FGD4: variants seen among roughly 807,000 people sequenced by gnomAD.
The protein encoded by FGD4 is FYVE, RhoGEF and PH domain-containing protein 4.
In FGD4, 42 loss-of-function variants were observed where a neutral mutation model predicts 102.0. The observed-to-expected ratio is 0.41, with a 90% CI of 0.32 to 0.53. The LOEUF (loss-of-function observed/expected upper bound fraction) is 0.53, where lower values mean the gene tolerates loss of function less well. FGD4 is among the 20% of genes least tolerant of loss of function. FGD4 has a pLI of 0.21. For synonymous variants in FGD4, 380 were observed against 375.7 expected, an observed-to-expected ratio of 1.01 and a Z score of -0.13; for missense variants, 902 against 1,078.2, an observed-to-expected ratio of 0.84 and a Z score of 2.29.
chr12:32,542,109 C>T (rs905206500), intron 1 of FGD4, among the ~76,000 whole-genome samples: 1 of 151,926 alleles, frequency 6.6e-6, no homozygotes, highest in Admixed American at 6.6e-5. Flanking sequence ...GTTTTTCCTA[C>T]TTAGCAGTGT....
chr12:32,564,816 GC>G lies in FGD4; in HGVS notation c.319+529del, dbSNP rs368796590. On this transcript the variant is annotated intron_variant, in intron 2 of 16. Transcript: ENST00000534526. ...AGTGGCCAGTGAGGGTAAAGAAAAA[GC>G]CATAATGGTAGGAAGCTTGAATGAT... is the stretch of plus-strand genomic sequence containing the variant. Among the ~76,000 whole-genome samples, 39 of 152,312 alleles carry G rather than the reference GC, an allele frequency of 2.6e-4. No homozygotes were observed. In the East Asian group the frequency reaches 7.3e-3, roughly 29 times the overall value.
chr12:32,440,503 C>T (rs1942394980), intron 1 of FGD4, among the ~76,000 whole-genome samples: 1 of 152,234 alleles, frequency 6.6e-6, no homozygotes, highest in Non-Finnish European at 1.5e-5. Flanking sequence ...CCCAAACATA[C>T]AGAGTCCCTG....
intron 1 of FGD4, among the ~76,000 whole-genome samples, chr12:32,518,134 C>CT (rs1180761383): frequency 6.6e-6 from 1 of 152,156 alleles, no homozygotes; most frequent in Non-Finnish European, 1.5e-5. Context: ...TTGTGAAAGA[C>CT]TATCTGTCTA....
chr12:32,421,672 C>G (rs746079189), intron 1 of FGD4, among the ~76,000 whole-genome samples: 93 of 152,060 alleles, frequency 6.1e-4, no homozygotes, highest in Non-Finnish European at 1.1e-3. Context: ...GTCAAGACTC[C>G]TGATAAAAGG....
At chr12:32,630,670 G>A (rs1426518765) in intron 14 of FGD4, among the ~76,000 whole-genome samples, 1 of 152,108 alleles carries the variant, frequency 6.6e-6, no homozygotes, top group Non-Finnish European at 1.5e-5. Flanking sequence ...ACAAAAATTA[G>A]CTGGGTGTGG....
chr12:32,576,250 T>C lies in FGD4; in HGVS notation c.320-16T>C. On this transcript the variant is annotated splice_polypyrimidine_tract_variant and intron_variant, in intron 2 of 16. Coordinates refer to ENST00000534526, the MANE Select transcript of FGD4 (RefSeq NM_001370298.3). ...AAAATATCAGTGAAATACTATATTC[T>C]ATTCTTTTTCTACAGTGCCTCCAAA... 1 of 1,561,896 alleles carries C rather than the reference T, an allele frequency of 6.4e-7. No homozygotes were observed. The highest frequency in any genetic ancestry group is 8.7e-7 in the Non-Finnish European group (1 of 1,151,580).
At chr12:32,429,483 C>T (rs930845370) in intron 1 of FGD4, among the ~76,000 whole-genome samples, 1 of 152,342 alleles carries the variant, frequency 6.6e-6, no homozygotes, top group East Asian at 1.9e-4. Flanking sequence ...GGAGGTATCT[C>T]CCAATCAGGA....
chr12:32,563,706 G>T (rs1181115666), intron 1 of FGD4, among the ~76,000 whole-genome samples: 1 of 152,170 alleles, frequency 6.6e-6, no homozygotes, highest in African/African-American at 2.4e-5. Context: ...TCCAGCCTGG[G>T]CACCATTGAG....
intron 3 of FGD4, among the ~76,000 whole-genome samples, chr12:32,579,039 GTTTT>G (rs35186090): frequency 3.0e-4 from 20 of 66,146 alleles, no homozygotes; most frequent in Non-Finnish European, 4.9e-4. Context: ...AACATTAGTG[GTTTT>G]TTTTTTTTTT....
intron 3 of FGD4, among the ~76,000 whole-genome samples, chr12:32,577,409 GT>G (rs752452521): frequency 1.3e-5 from 2 of 152,166 alleles, no homozygotes; most frequent in Non-Finnish European, 2.9e-5. Flanking sequence ...CGGATTTACT[GT>G]TACTTATGTA....
intron 1 of FGD4, among the ~76,000 whole-genome samples, chr12:32,409,133 T>A (rs1941085637): frequency 6.6e-6 from 1 of 152,244 alleles, no homozygotes; most frequent in African/African-American, 2.4e-5. Context: ...TGTTTTAAAA[T>A]GGAATCTACC....
chr12:32,566,728 C>T (rs1217033052), intron 2 of FGD4, among the ~76,000 whole-genome samples: 1 of 152,118 alleles, frequency 6.6e-6, no homozygotes, highest in South Asian at 2.1e-4. Context: ...TTAATTTCTC[C>T]TAACATTTGG....
At chr12:32,408,331 G>A (rs887647926) in intron 1 of FGD4, among the ~76,000 whole-genome samples, 1 of 152,068 alleles carries the variant, frequency 6.6e-6, no homozygotes, top group African/African-American at 2.4e-5. Context: ...ACCATACCTG[G>A]CTAATTCTGT....
chr12:32,511,482 T>A (rs915023911), intron 1 of FGD4, among the ~76,000 whole-genome samples: 1 of 152,072 alleles, frequency 6.6e-6, no homozygotes, highest in African/African-American at 2.4e-5. Context: ...TATATTTTTT[T>A]TAGTAGAGAC....
intron 16 of FGD4, among the ~76,000 whole-genome samples, chr12:32,639,859 C>T (rs1951063899): frequency 6.6e-6 from 1 of 152,102 alleles, no homozygotes; most frequent in Non-Finnish European, 1.5e-5. Context: ...TATTGCTTTT[C>T]CTATAAGCTT....
chr12:32,476,849 C>A (rs1450649695), intron 1 of FGD4, among the ~76,000 whole-genome samples: 1 of 152,186 alleles, frequency 6.6e-6, no homozygotes, highest in Non-Finnish European at 1.5e-5. Flanking sequence ...GAGAAATAGA[C>A]CCCATCTCTT....
chr12:32,560,712 T>C (rs944924903), intron 1 of FGD4, among the ~76,000 whole-genome samples: 1 of 151,858 alleles, frequency 6.6e-6, no homozygotes, highest in South Asian at 2.1e-4. Flanking sequence ...TTTCTCAGAG[T>C]TGCAAGGTCT....
chr12:32,573,507 T>A (rs116582185), intron 2 of FGD4, among the ~76,000 whole-genome samples: 3,513 of 152,338 alleles, frequency 0.023, 122 homozygotes, highest in African/African-American at 0.08. Flanking sequence ...GTTGAAAGAA[T>A]CATTTTCATT....
At chr12:32,412,785 T>C (rs1941256677) in intron 1 of FGD4, among the ~76,000 whole-genome samples, 1 of 152,084 alleles carries the variant, frequency 6.6e-6, no homozygotes, top group Admixed American at 6.6e-5. Context: ...TTTCACCATG[T>C]TGGCCAGGAT....
Sources: gnomAD v4.1 joint callset for allele counts (sites outside exome capture counted in the v4.1 genomes callset) on GRCh38, gnomAD v4.1.1 for gene constraint, MANE v1.5 for transcripts, NCBI Gene and HGNC (gene_info 2026-07-23, HGNC 2026-07-21) for gene names.